Variants in CASZ1 observed in about 807,000 individuals in gnomAD.
CASZ1 encodes castor zinc finger 1.
Under a neutral mutation model 135.2 loss-of-function variants are expected in CASZ1, and 28 were observed. The ratio of observed to expected loss-of-function variants is 0.21; its 90% CI spans 0.15 to 0.28. CASZ1 has a LOEUF of 0.28. Among genes scored for constraint, CASZ1 ranks in the 10% least tolerant of loss-of-function variants. CASZ1 has a pLI of 1.00. For missense variants in CASZ1, 2,161 were observed against 2,453.3 expected (o/e 0.88, Z 2.52); for synonymous variants, 1,068 against 1,073.4 (o/e 0.99, Z 0.10).
chr1:10,650,664 C>A, intron 13 of CASZ1, 28 bp downstream of exon 13: 1 of 1,590,894 alleles, frequency 6.3e-7, no homozygotes, highest in Non-Finnish European at 8.6e-7. Context: ...GGTGGGGGAA[C>A]GGGAGGCGTG....
rs1294544292 is a variant in CASZ1 at position 10,735,714 on chromosome 1, A to C, written c.-77+24987T>G. Reference sequence around the variant, plus strand: ...TCAGTTCCTTCGGTTAAATGAGGTCAAATGCTTTTCAAGTCACGGGCATCT... The same window carrying C: ...TCAGTTCCTTCGGTTAAATGAGGTCCAATGCTTTTCAAGTCACGGGCATCT... On this transcript the variant is annotated intron_variant, in intron 2 of 20. Coordinates refer to ENST00000377022, the MANE Select transcript of CASZ1 (RefSeq NM_001079843.3). This position sits in a 1 kb window ranked among gnomAD's most constrained non-coding sequence, Gnocchi z 5.1. Among the ~76,000 whole-genome samples, 1 of 152,194 alleles carries C rather than the reference A, an allele frequency of 6.6e-6. No individual in the cohort carries two copies. Among genetic ancestry groups the C allele is most frequent in the African/African-American group, 2.4e-5 (1 of 41,444 alleles).
intron 2 of CASZ1, among the ~76,000 whole-genome samples, chr1:10,744,850 AC>A (rs1640009976): frequency 6.6e-6 from 1 of 152,098 alleles, no homozygotes; most frequent in African/African-American, 2.4e-5. Flanking sequence ...GAGAGCCGTG[AC>A]CTCACCAGAG....
At chr1:10,653,342 G>C (rs765132632) in intron 11 of CASZ1, 35 bp downstream of exon 11, 4 of 1,610,758 alleles carry the variant, frequency 2.5e-6, no homozygotes, top group Non-Finnish European at 3.4e-6. Context: ...AGTCCAGAAG[G>C]TGCCTGCTTT....
chr1:10,767,461 G>A lies in CASZ1; in HGVS notation c.-233-6604C>T, dbSNP rs538252257. ...TCCCTGGAGGGGACAGGGCGGGGGCGATGGGAGCACAGGCTTCCCCTATTG... is the reference window on the plus strand; with the variant it reads ...TCCCTGGAGGGGACAGGGCGGGGGCAATGGGAGCACAGGCTTCCCCTATTG... On this transcript the variant is annotated intron_variant, in intron 1 of 20. Coordinates refer to ENST00000377022, the MANE Select transcript of CASZ1 (RefSeq NM_001079843.3). The surrounding 1 kb of genome is among the most constrained non-coding windows in gnomAD (Gnocchi z 4.2). Among the ~76,000 whole-genome samples, 15 of 152,316 alleles carry A rather than the reference G, an allele frequency of 9.8e-5. No homozygotes were observed. The highest frequency in any genetic ancestry group is 3.6e-4 in the African/African-American group (15 of 41,582).
At position 10,649,149 on chromosome 1, in the gene CASZ1, G is replaced by T; in HGVS notation, c.3079C>A (p.His1027Asn). The T allele has an allele frequency of 6.2e-7, 1 of 1,613,800 alleles. No homozygotes were observed. Among genetic ancestry groups the T allele is most frequent in the South Asian group, 1.1e-5 (1 of 91,078 alleles). Residue 1027 changes from histidine to asparagine, a missense_variant, in exon 15 of 21, where the codon CAC (histidine) becomes AAC (asparagine). This residue lies in a region of CASZ1 where 349 missense variants were observed against 460.8 expected (regional missense o/e 0.76). Transcript: ENST00000377022. ...ACCACGCAGTGGAAGTGGGCCTTGT[G>T]GAGGAAGTCACACTGGCCGTCACAG... ...DFCDGQCDFL[H>N]KAHFHCVVEE...
intron 2 of CASZ1, among the ~76,000 whole-genome samples, chr1:10,758,135 T>G (rs1486562848): frequency 1.3e-5 from 2 of 152,180 alleles, no homozygotes; most frequent in Non-Finnish European, 2.9e-5. Flanking sequence ...CTGAGCAGCC[T>G]GCCAGGAGTG....
rs1639063933 is a variant in CASZ1, at chr1:10,701,668, GA to G, written c.-24+3823del. On this transcript the variant is annotated intron_variant, in intron 3 of 20. Coordinates refer to ENST00000377022, the MANE Select transcript of CASZ1 (RefSeq NM_001079843.3). This position sits in a 1 kb window ranked among gnomAD's most constrained non-coding sequence, Gnocchi z 6.3. ...AGCCTGACACTAATGTATTCAACCTGACATCCCATCTTGTCGTGAATGAAGA... is the reference window on the plus strand; with the variant it reads ...AGCCTGACACTAATGTATTCAACCTGCATCCCATCTTGTCGTGAATGAAGA... 6.6e-6 allele frequency among the ~76,000 whole-genome samples: 1 copy of G among 152,184 alleles called. No homozygotes were observed. The highest frequency in any genetic ancestry group is 1.5e-5 in the Non-Finnish European group (1 of 68,024).
chr1:10,644,901 C>G lies in CASZ1; in HGVS notation c.3868+16G>C, dbSNP rs775296826. The G allele has an allele frequency of 1.9e-6, 3 of 1,606,354 alleles. No homozygotes were observed. Among genetic ancestry groups the G allele is most frequent in the Non-Finnish European group, 2.6e-6 (3 of 1,175,468 alleles). On this transcript the variant is annotated intron_variant, in intron 18 of 20. Transcript: ENST00000377022. ...GCCTGCTGCAAGTCCCTGCCCGCAG[C>G]CCCAGCCCTCGGTACCTAGCCTGCC...
Position 10,666,717 on chromosome 1 carries a change from T to TG in CASZ1, c.17-1147dup, listed in dbSNP as rs927403435. 1.3e-5 allele frequency among the ~76,000 whole-genome samples: 2 copies of TG among 152,078 alleles called. No homozygotes were observed. The highest frequency in any genetic ancestry group is 6.5e-5 in the Admixed American group (1 of 15,270). ...GTCCCTGATAGGGCACCGAGGGTCC[T>TG]GGGGGGGCATACGGCAAGCCCACCC... On this transcript the variant is annotated intron_variant, in intron 4 of 20. Coordinates refer to ENST00000377022, the MANE Select transcript of CASZ1 (RefSeq NM_001079843.3). This position sits in a 1 kb window ranked among gnomAD's most constrained non-coding sequence, Gnocchi z 5.2.
At chr1:10,705,945 A>G (rs957575281) in intron 2 of CASZ1, among the ~76,000 whole-genome samples, 1 of 152,218 alleles carries the variant, frequency 6.6e-6, no homozygotes, top group African/African-American at 2.4e-5. Context: ...GCCTGGGGAC[A>G]ATGACAGAAT....
At chr1:10,644,040 GT>G (rs1359891408) in intron 18 of CASZ1, among the ~76,000 whole-genome samples, 1 of 152,238 alleles carries the variant, frequency 6.6e-6, no homozygotes, top group Non-Finnish European at 1.5e-5. Flanking sequence ...GGCAAGGTTT[GT>G]TTCCTTTTTC....
At chr1:10,784,310 G>A (rs1304706903) in intron 1 of CASZ1, among the ~76,000 whole-genome samples, 2 of 152,140 alleles carry the variant, frequency 1.3e-5, no homozygotes, top group East Asian at 3.9e-4. Context: ...CAAGTTTGAG[G>A]GAAGCATCCC....
chr1:10,662,866 G>C (rs866629814), intron 5 of CASZ1, among the ~76,000 whole-genome samples: 1 of 152,180 alleles, frequency 6.6e-6, no homozygotes, highest in African/African-American at 2.4e-5. Flanking sequence ...GGGTCTCTCG[G>C]AATGAGGGAG....
chr1:10,745,927 C>T (rs905709936), intron 2 of CASZ1, among the ~76,000 whole-genome samples: 4 of 152,134 alleles, frequency 2.6e-5, no homozygotes, highest in African/African-American at 9.7e-5. Context: ...AAAAGGAGGC[C>T]TGGTGGCCGT....
At chr1:10,771,665 CCT>C (rs1640579641) in intron 1 of CASZ1, among the ~76,000 whole-genome samples, 3 of 152,022 alleles carry the variant, frequency 2.0e-5, no homozygotes, top group Non-Finnish European at 4.4e-5. Context: ...CTTTCCTCCT[CCT>C]CCTCCTCCTC....
At chr1:10,695,994 G>A (rs1195375448) in intron 3 of CASZ1, among the ~76,000 whole-genome samples, 2 of 152,272 alleles carry the variant, frequency 1.3e-5, no homozygotes, top group South Asian at 2.1e-4. Context: ...GATGAGGGGA[G>A]GGGAGCAGGG....
rs1174009108 is a variant in CASZ1, at chr1:10,697,605, C to T, written c.-23-3693G>A. ...GGTTCCTGTTACCCCCCCCGCACCC[C>T]CAAGTTGCCCACCTACACTCTCTCC... On this transcript the variant is annotated intron_variant, in intron 3 of 20. Transcript: ENST00000377022. The surrounding 1 kb of genome is among the most constrained non-coding windows in gnomAD (Gnocchi z 4.7). Among the ~76,000 whole-genome samples, 6 of 151,970 alleles carry T rather than the reference C, an allele frequency of 3.9e-5. No individual in the cohort carries two copies. Among genetic ancestry groups the T allele is most frequent in the Admixed American group, 1.3e-4 (2 of 15,284 alleles).
chr1:10,765,421 C>A (rs998422860), intron 1 of CASZ1, among the ~76,000 whole-genome samples: 1 of 151,954 alleles, frequency 6.6e-6, no homozygotes, highest in Non-Finnish European at 1.5e-5. Flanking sequence ...AAATCCACAT[C>A]TTAATACAAA....
rs376957818 is a variant in CASZ1, at chr1:10,666,345, T to C, written c.17-774A>G. On this transcript the variant is annotated intron_variant, in intron 4 of 20. Coordinates refer to ENST00000377022, the MANE Select transcript of CASZ1 (RefSeq NM_001079843.3). The surrounding 1 kb of genome is among the most constrained non-coding windows in gnomAD (Gnocchi z 5.2). ...CTTGCCAGCCCCCTCTTGGCCTCTC[T>C]GTCCATTTCCTGTTGCCACTCCCTT... is the stretch of plus-strand genomic sequence containing the variant. 4.6e-5 allele frequency among the ~76,000 whole-genome samples: 7 copies of C among 152,284 alleles called. No homozygotes were observed. The East Asian group carries it at 1.4e-3, about 29-fold the overall frequency.
Sources: gnomAD v4.1 joint callset for allele counts (sites outside exome capture counted in the v4.1 genomes callset) on GRCh38, gnomAD v4.1.1 for gene constraint, gnomAD v4.1.1 regional missense constraint, Gnocchi (gnomAD v3.1) non-coding constraint, MANE v1.5 for transcripts, NCBI Gene and HGNC (gene_info 2026-07-23, HGNC 2026-07-21) for gene names.